The following VPS13D variants were observed in gnomAD, a reference collection of about 807,000 sequenced individuals.
VPS13D encodes the protein vacuolar protein sorting 13 homolog D.
A neutral mutation model predicts 461.9 loss-of-function variants in VPS13D; 187 were observed. The observed-to-expected ratio is 0.40, with a 90% CI of 0.36 to 0.46. The LOEUF (loss-of-function observed/expected upper bound fraction) is 0.46. Among genes scored for constraint, VPS13D ranks in the 20% least tolerant of loss-of-function variants. The probability of loss-of-function intolerance (pLI) is 0.60; values close to 1 mark genes in which losing one functional copy is unlikely to be tolerated. For missense variants in VPS13D, 4,711 were observed against 5,364.9 expected, an observed-to-expected ratio of 0.88 and a Z score of 3.81; for synonymous variants, 1,951 against 1,986.3, an observed-to-expected ratio of 0.98 and a Z score of 0.47.
intron 20 of VPS13D, among the ~76,000 whole-genome samples, chr1:12,280,065 C>G (rs953835471): frequency 1.4e-4 from 22 of 152,192 alleles, no homozygotes; most frequent in Admixed American, 3.9e-4. Flanking sequence ...TAGTCCTGCC[C>G]TCTCTGAAAT....
chr1:12,508,691 C>CA (rs35358579), intron 69 of VPS13D, among the ~76,000 whole-genome samples: 2,044 of 121,028 alleles, frequency 0.017, 40 homozygotes, highest in African/African-American at 0.045. Context: ...GACTCCGTCT[C>CA]AAAAAAAAAA....
chr1:12,303,076 C>T (rs1014442942), intron 25 of VPS13D, among the ~76,000 whole-genome samples: 3 of 152,118 alleles, frequency 2.0e-5, no homozygotes, highest in Non-Finnish European at 4.4e-5. Flanking sequence ...GAATAATTAC[C>T]TTCTTCACCA....
chr1:12,330,786 T>G (rs1453393975), intron 37 of VPS13D, among the ~76,000 whole-genome samples: 1 of 152,132 alleles, frequency 6.6e-6, no homozygotes, highest in African/African-American at 2.4e-5. Context: ...CAGGCTGGTC[T>G]CGAACTCCTG....
intron 48 of VPS13D, 133 bp downstream of exon 48, chr1:12,356,223 TC>T (rs1643884693): frequency 7.2e-7 from 1 of 1,385,692 alleles, no homozygotes; most frequent in Non-Finnish European, 9.6e-7. Flanking sequence ...CATTCCTGCT[TC>T]CATCATAAAT....
chr1:12,334,402 G>A (rs1643400969), intron 38 of VPS13D, among the ~76,000 whole-genome samples: 1 of 152,196 alleles, frequency 6.6e-6, no homozygotes, highest in African/African-American at 2.4e-5. Context: ...CTTTTGAAAA[G>A]CTGCAGTAAA....
intron 67 of VPS13D, among the ~76,000 whole-genome samples, chr1:12,484,312 AC>A (rs1188795866): frequency 6.6e-6 from 1 of 152,204 alleles, no homozygotes; most frequent in African/African-American, 2.4e-5. Context: ...CATTGTTGAT[AC>A]ATGGGCTAGG....
Position 12,401,700 on chromosome 1 carries a change from A to G in VPS13D, c.11877A>G (p.Glu3959=). 1 of 1,612,696 alleles carries G rather than the reference A, an allele frequency of 6.2e-7. No individual in the cohort carries two copies. The highest frequency in any genetic ancestry group is 8.5e-7 in the Non-Finnish European group (1 of 1,178,816). Reference sequence around the variant, plus strand: ...GTTTCTTTGGCTACGATCAAGCAGAATCAGGTAATGTTGAATGTTCTATGT... The same window carrying G: ...GTTTCTTTGGCTACGATCAAGCAGAGTCAGGTAATGTTGAATGTTCTATGT... ...LLSFFGYDQA[E]SEVEKYDENL... is the part of the protein sequence containing the mutation. The change falls in exon 62 of 70, where the codon GAA becomes GAG. Residue 3959 remains glutamate, a synonymous_variant. Coordinates refer to ENST00000620676, the MANE Select transcript of VPS13D (RefSeq NM_015378.4).
chr1:12,442,881 G>T (rs1645147786), intron 65 of VPS13D, among the ~76,000 whole-genome samples: 1 of 152,200 alleles, frequency 6.6e-6, no homozygotes, highest in South Asian at 2.1e-4. Context: ...GAGCCACCAT[G>T]CCCAGCCTAA....
chr1:12,295,100 T>A (rs1642238467), intron 24 of VPS13D, among the ~76,000 whole-genome samples: 1 of 151,658 alleles, frequency 6.6e-6, no homozygotes, highest in African/African-American at 2.4e-5. Context: ...GGCATGTGTC[T>A]GTAGTCCCAG....
Position 12,335,787 on chromosome 1 carries a change from C to T in VPS13D, c.8511C>T (p.Asp2837=). 1 of 1,614,156 alleles carries T rather than the reference C, an allele frequency of 6.2e-7. No individual in the cohort carries two copies. Among genetic ancestry groups the T allele is most frequent in the Non-Finnish European group, 8.5e-7 (1 of 1,180,008 alleles). Residue 2837 remains aspartate (D), a synonymous_variant, in exon 39 of 70, where the codon GAC becomes GAT. Transcript: ENST00000620676. ...ACATAGAGTCAGCTAAATCAGAAGA[C>T]TGGATGGGCTCTTCGGTGGATCCTC... ...DKDIESAKSE[D]WMGSSVDPPC...
intron 24 of VPS13D, among the ~76,000 whole-genome samples, chr1:12,295,955 G>A (rs968035815): frequency 7.9e-5 from 12 of 152,186 alleles, no homozygotes; most frequent in African/African-American, 2.9e-4. Flanking sequence ...GTATTAAACC[G>A]TATTTAATGT....
At chr1:12,271,873 G>A (rs1178858419) in intron 17 of VPS13D, among the ~76,000 whole-genome samples, 1 of 152,144 alleles carries the variant, frequency 6.6e-6, no homozygotes, top group Non-Finnish European at 1.5e-5. Flanking sequence ...GCCATAGATA[G>A]GGAGGGCCAA....
Position 12,505,500 on chromosome 1 carries a change from T to C in VPS13D, c.12795-1353T>C, listed in dbSNP as rs1570301674. ...CAGTTTTTGTCATGGGCGTCTGTAA[T>C]TAAAATGGCAACTGGAACAAGGCAG... is the stretch of plus-strand genomic sequence containing the variant. On this transcript the variant is annotated intron_variant, in intron 68 of 69. Coordinates refer to ENST00000620676, the MANE Select transcript of VPS13D (RefSeq NM_015378.4). This position sits in a 1 kb window ranked among gnomAD's most constrained non-coding sequence, Gnocchi z 4.2. 6.6e-6 allele frequency among the ~76,000 whole-genome samples: 1 copy of C among 152,190 alleles called. No homozygotes were observed.
chr1:12,383,478 TAAC>T lies in VPS13D; in HGVS notation c.11370+329_11370+331del, dbSNP rs1193652443. Among the ~76,000 whole-genome samples, 17 of 152,338 alleles carry T rather than the reference TAAC, an allele frequency of 1.1e-4. No homozygotes were observed. The East Asian group carries it at 2.3e-3, about 21-fold the overall frequency. ...TAATAACATAATATCTTAATAACATTAACAACAAGAAGATATGAGATCCTTAAT... is the reference window on the plus strand; with the variant it reads ...TAATAACATAATATCTTAATAACATTAACAAGAAGATATGAGATCCTTAAT... On this transcript the variant is annotated intron_variant, in intron 58 of 69. Coordinates refer to ENST00000620676, the MANE Select transcript of VPS13D (RefSeq NM_015378.4).
intron 57 of VPS13D, among the ~76,000 whole-genome samples, chr1:12,381,616 G>A (rs920028074): frequency 2.0e-5 from 3 of 152,334 alleles, no homozygotes; most frequent in South Asian, 2.1e-4. Context: ...CAATAGCTGA[G>A]ACTTGGCCAG....
At chr1:12,302,178 T>C (rs1285288804) in intron 25 of VPS13D, among the ~76,000 whole-genome samples, 5 of 152,252 alleles carry the variant, frequency 3.3e-5, no homozygotes, top group Non-Finnish European at 7.3e-5. Flanking sequence ...TGCTGCATTA[T>C]AATCTTACGG....
intron 65 of VPS13D, among the ~76,000 whole-genome samples, chr1:12,450,180 A>G (rs1645244435): frequency 6.6e-6 from 1 of 152,206 alleles, no homozygotes; most frequent in South Asian, 2.1e-4. Flanking sequence ...AGATGGATAA[A>G]CTGAGGTTCA....
intron 37 of VPS13D, among the ~76,000 whole-genome samples, chr1:12,330,340 G>T (rs1277103423): frequency 6.6e-6 from 1 of 151,958 alleles, no homozygotes; most frequent in African/African-American, 2.4e-5. Flanking sequence ...ACTTGAACCC[G>T]GCAGGCGGAG....
At chr1:12,341,998 T>A in intron 41 of VPS13D, 113 bp downstream of exon 41, 1 of 861,050 alleles carries the variant, frequency 1.2e-6, no homozygotes. Flanking sequence ...GATATTTGAA[T>A]GAATAACTTG....
Sources: gnomAD v4.1 joint callset for allele counts (sites outside exome capture counted in the v4.1 genomes callset) on GRCh38, gnomAD v4.1.1 for gene constraint, Gnocchi (gnomAD v3.1) non-coding constraint, MANE v1.5 for transcripts, NCBI Gene and HGNC (gene_info 2026-07-23, HGNC 2026-07-21) for gene names.